Variants in SVEP1 observed in about 807,000 individuals in gnomAD.
The protein encoded by SVEP1 is sushi, von Willebrand factor type A, EGF and pentraxin domain-containing protein 1.
A neutral mutation model predicts 367.3 loss-of-function variants in SVEP1; 164 were observed. The ratio of observed to expected loss-of-function variants is 0.45; its 90% confidence interval spans 0.39 to 0.51. The LOEUF (loss-of-function observed/expected upper bound fraction) is 0.51. SVEP1 is among the 20% of genes least tolerant of loss of function. The probability of loss-of-function intolerance (pLI) is 0.00; values close to 1 mark genes in which losing one functional copy is unlikely to be tolerated. For synonymous variants in SVEP1, 1,666 were observed against 1,611.6 expected (o/e 1.03, Z -0.81); for missense variants, 4,117 against 4,425.3 (o/e 0.93, Z 1.98).
At chr9:110,415,997 A>C (rs756498513) in intron 36 of SVEP1, among the ~76,000 whole-genome samples, 1 of 152,010 alleles carries the variant, frequency 6.6e-6, no homozygotes, top group Non-Finnish European at 1.5e-5. Flanking sequence ...TCAAATTGAT[A>C]AATTAATGTA....
chr9:110,469,256 C>A (rs191009415), intron 16 of SVEP1, among the ~76,000 whole-genome samples, 155 bp from the exon 17 acceptor site: 66 of 152,222 alleles, frequency 4.3e-4, no homozygotes, highest in African/African-American at 1.5e-3. Context: ...ACAAGGTAAA[C>A]CTTTCAGAAA....
chr9:110,403,457 AC>A (rs1302142248), intron 39 of SVEP1, among the ~76,000 whole-genome samples: 1 of 151,700 alleles, frequency 6.6e-6, no homozygotes, highest in Non-Finnish European at 1.5e-5. Flanking sequence ...GGCATGCGCC[AC>A]TATGCCCGGC....
At chr9:110,462,141 T>C (rs1017227755) in intron 18 of SVEP1, among the ~76,000 whole-genome samples, 3 of 152,092 alleles carry the variant, frequency 2.0e-5, no homozygotes, top group African/African-American at 7.2e-5. Flanking sequence ...TATAATGAAT[T>C]AAACTTTTTT....
intron 9 of SVEP1, among the ~76,000 whole-genome samples, chr9:110,486,406 C>A (rs950829787): frequency 2.0e-5 from 3 of 152,190 alleles, no homozygotes; most frequent in African/African-American, 7.2e-5. Context: ...CACTTCAAAG[C>A]AAGTGAGGCA....
intron 2 of SVEP1, among the ~76,000 whole-genome samples, chr9:110,548,750 G>A (rs1830248983): frequency 6.6e-6 from 1 of 152,020 alleles, no homozygotes; most frequent in Non-Finnish European, 1.5e-5. Context: ...CTGCTTCTAA[G>A]CCCTGTCCTA....
In SVEP1 at chr9:110,411,562, C is replaced by A. The variant is rs780102586; in HGVS notation, c.6149G>T (p.Gly2050Val). Residue 2050 changes from glycine to valine, a missense_variant, in exon 37 of 48, where the codon GGT (glycine) becomes GTT (valine). By Grantham distance (109) the Gly-to-Val change is moderately radical. Around this residue, in one of 4 missense-constraint regions of SVEP1, gnomAD observed 2,174 missense variants for 2,494.3 expected, o/e 0.87. Coordinates refer to ENST00000374469, the MANE Select transcript of SVEP1 (RefSeq NM_153366.4). ...GDIAFYYCSDGYSLADNSQLL... is the reference protein window; with the variant it reads ...GDIAFYYCSDVYSLADNSQLL... ...CTGGGAATTGTCTGCTAGGCTGTAACCATCAGAGCAGTAGTAGAATGCAAT... is the reference window on the plus strand; with the variant it reads ...CTGGGAATTGTCTGCTAGGCTGTAAACATCAGAGCAGTAGTAGAATGCAAT... 2 of 1,613,986 alleles carry A rather than the reference C, an allele frequency of 1.2e-6. No homozygotes were observed. Among genetic ancestry groups the A allele is most frequent in the Non-Finnish European group, 1.7e-6 (2 of 1,179,906 alleles).
intron 5 of SVEP1, among the ~76,000 whole-genome samples, chr9:110,506,478 T>A (rs1829627889): frequency 6.6e-6 from 1 of 152,188 alleles, no homozygotes. Flanking sequence ...CTTCACCTTA[T>A]CTCAGCTTCT....
intron 5 of SVEP1, among the ~76,000 whole-genome samples, chr9:110,509,096 C>T (rs1036162124): frequency 6.6e-6 from 1 of 152,150 alleles, no homozygotes; most frequent in Non-Finnish European, 1.5e-5. Flanking sequence ...TCCTACCCAA[C>T]GGCCATATTT....
At chr9:110,504,020 TTTTTATTTTATTTTATTTTA>T (rs36224388) in intron 5 of SVEP1, among the ~76,000 whole-genome samples, 4 of 148,416 alleles carry the variant, frequency 2.7e-5, no homozygotes, top group African/African-American at 7.5e-5. Flanking sequence ...GCTTTTTATT[TTTTTATTTTATTTTATTTTA>T]TTTTATTTTA....
intron 3 of SVEP1, among the ~76,000 whole-genome samples, chr9:110,532,706 G>A (rs1046817926): frequency 3.9e-5 from 6 of 152,054 alleles, no homozygotes; most frequent in East Asian, 1.9e-4. Context: ...GTTTCTTAAC[G>A]TCAATATTAT....
chr9:110,528,150 GTGTGTGTATATA>G (rs1339609964), intron 3 of SVEP1, among the ~76,000 whole-genome samples: 465 of 42,718 alleles, frequency 0.011, 3 homozygotes, highest in Admixed American at 0.017. Context: ...GTGTGTGTGT[GTGTGTGTATATA>G]TATATATATA....
Position 110,435,331 on chromosome 9 carries a change from G to A in SVEP1, c.4798C>T (p.Leu1600Phe). 13 of 1,613,582 alleles carry A rather than the reference G, an allele frequency of 8.1e-6. No homozygotes were observed. Among genetic ancestry groups the A allele is most frequent in the Non-Finnish European group, 1.0e-5 (12 of 1,179,574 alleles). The change falls in exon 29 of 48, where the codon CTC becomes TTC. Residue 1600 changes from leucine to phenylalanine, a missense_variant. By Grantham distance (22) the Leu-to-Phe change is conservative (BLOSUM62 0). This residue lies in a region of SVEP1 where 2,174 missense variants were observed against 2,494.3 expected (regional missense o/e 0.87). Coordinates refer to ENST00000374469, the MANE Select transcript of SVEP1 (RefSeq NM_153366.4). ...KSLATSCPEELSKGNVLAWPD... is the reference protein window; with the variant it reads ...KSLATSCPEEFSKGNVLAWPD... ...CATGCTAACACGTTTCCTTTACTGA[G>A]TTCCTCTGGGCAGGAGGTAGCCAGT...
chr9:110,494,382 AT>A (rs1177378409), intron 8 of SVEP1, among the ~76,000 whole-genome samples: 1 of 152,202 alleles, frequency 6.6e-6, no homozygotes, highest in Non-Finnish European at 1.5e-5. Context: ...TCAAGCTTTT[AT>A]TTAGACAGCA....
chr9:110,481,465 T>G, intron 11 of SVEP1, 29 bp from the exon 12 acceptor site: 2 of 1,428,352 alleles, frequency 1.4e-6, no homozygotes, highest in Non-Finnish European at 1.9e-6. Flanking sequence ...ACTATTCATA[T>G]ATAGTGGTAC....
At chr9:110,530,753 T>C (rs1830008540) in intron 3 of SVEP1, among the ~76,000 whole-genome samples, 2 of 152,042 alleles carry the variant, frequency 1.3e-5, no homozygotes. Context: ...CCCAGGCTGG[T>C]CTCAAACTCC....
At chr9:110,461,992 T>C (rs2118644445) in intron 18 of SVEP1, among the ~76,000 whole-genome samples, 1 of 152,280 alleles carries the variant, frequency 6.6e-6, no homozygotes, top group South Asian at 2.1e-4. Flanking sequence ...TTGGAAAAGG[T>C]AACTTACACA....
At chr9:110,394,234 C>T (rs1422921275) in intron 40 of SVEP1, among the ~76,000 whole-genome samples, 1 of 152,120 alleles carries the variant, frequency 6.6e-6, no homozygotes, top group African/African-American at 2.4e-5. Flanking sequence ...GCTGCTGATA[C>T]CCAGGCAAAC....
chr9:110,549,761 G>A, intron 2 of SVEP1, 88 bp downstream of exon 2: 1 of 1,511,890 alleles, frequency 6.6e-7, no homozygotes. Flanking sequence ...GTGAGAGTTT[G>A]ATATTACCCT....
chr9:110,457,182 T>TAAAGTAGAAGA, intron 21 of SVEP1, 74 bp downstream of exon 21: 1 of 1,236,812 alleles, frequency 8.1e-7, no homozygotes, highest in South Asian at 1.5e-5. Flanking sequence ...GTTAATGTAC[T>TAAAGTAGAAGA]AAAGTTTGAT....
Sources: gnomAD v4.1 joint callset for allele counts (sites outside exome capture counted in the v4.1 genomes callset) on GRCh38, gnomAD v4.1.1 for gene constraint, gnomAD v4.1.1 regional missense constraint, MANE v1.5 for transcripts, NCBI Gene and HGNC (gene_info 2026-07-23, HGNC 2026-07-21) for gene names.